The following PDE1C variants were observed in gnomAD, a reference collection of about 807,000 sequenced individuals.
PDE1C encodes the protein dual specificity calcium/calmodulin-dependent 3',5'-cyclic nucleotide phosphodiesterase 1C.
PDE1C carries 62 observed loss-of-function variants against 93.1 expected under a neutral mutation model. That is an observed-to-expected ratio of 0.67 (90% CI 0.54 to 0.82). PDE1C has a LOEUF of 0.82. Ranked by LOEUF, PDE1C falls within the 40% of genes least tolerant of loss-of-function variation. The pLI is 0.00. For missense variants in PDE1C, 742 were observed against 884.6 expected (o/e 0.84, Z 2.04); for synonymous variants, 325 against 310.1 (o/e 1.05, Z -0.50).
chr7:32,225,014 T>C (rs1182547257), intron 1 of PDE1C, among the ~76,000 whole-genome samples: 1 of 137,174 alleles, frequency 7.3e-6, no homozygotes, highest in Non-Finnish European at 1.7e-5. Context: ...GGAATCACCT[T>C]TCTTATTTAA....
chr7:32,185,065 C>T (rs921806819), intron 2 of PDE1C, among the ~76,000 whole-genome samples: 2 of 150,622 alleles, frequency 1.3e-5, no homozygotes, highest in African/African-American at 2.4e-5. Context: ...GAGTCGAGAT[C>T]GCACCATTGC....
intron 1 of PDE1C, among the ~76,000 whole-genome samples, chr7:32,349,329 G>T (rs2128082429): frequency 6.6e-6 from 1 of 152,312 alleles, no homozygotes; most frequent in East Asian, 1.9e-4. Flanking sequence ...CAGTGGGGCA[G>T]GTGTCACATT....
At chr7:31,891,803 C>G (rs1798669793) in intron 2 of PDE1C, among the ~76,000 whole-genome samples, 1 of 103,168 alleles carries the variant, frequency 9.7e-6, no homozygotes, top group Non-Finnish European at 1.8e-5. Context: ...CAAATGCATT[C>G]ATACACACAC....
chr7:32,326,657 G>A (rs937632655), intron 1 of PDE1C, among the ~76,000 whole-genome samples: 8 of 152,166 alleles, frequency 5.3e-5, no homozygotes, highest in Non-Finnish European at 1.2e-4. Context: ...GAGGACAAAA[G>A]GCAAAACCTG....
chr7:31,947,644 A>T (rs752728622), intron 2 of PDE1C, among the ~76,000 whole-genome samples: 1 of 152,236 alleles, frequency 6.6e-6, no homozygotes, highest in East Asian at 1.9e-4. Flanking sequence ...AACTTCATGT[A>T]TGTACAGTCA....
chr7:32,329,352 C>T (rs1283816289), intron 1 of PDE1C, among the ~76,000 whole-genome samples: 1 of 152,146 alleles, frequency 6.6e-6, no homozygotes, highest in Non-Finnish European at 1.5e-5. Flanking sequence ...TATACATCAA[C>T]GTAGCCATTG....
At chr7:31,672,165 A>G in the PDE1C span, among the ~76,000 whole-genome samples, 3 of 152,200 alleles carry the variant, frequency 2.0e-5, no homozygotes, top group Non-Finnish European at 4.4e-5. Flanking sequence ...TTCCTGGAGC[A>G]AAAAGTCTCA....
intron 1 of PDE1C, among the ~76,000 whole-genome samples, chr7:32,393,996 T>C (rs1051147176): frequency 2.0e-5 from 3 of 152,190 alleles, no homozygotes; most frequent in Non-Finnish European, 4.4e-5. Context: ...TTTTTAAGAT[T>C]GATAAAAGAA....
chr7:31,932,383 C>T (rs1041824476), intron 2 of PDE1C, among the ~76,000 whole-genome samples: 1 of 151,994 alleles, frequency 6.6e-6, no homozygotes, highest in African/African-American at 2.4e-5. Context: ...AAAAAGAAAA[C>T]GACCCCATCA....
intron 1 of PDE1C, chr7:32,209,629 G>T: frequency 1.8e-6 from 2 of 1,082,442 alleles, no homozygotes; most frequent in South Asian, 1.5e-5. Context: ...TGGATGCTTT[G>T]ACATCGGGCT....
chr7:31,934,638 C>T (rs1804779409), intron 2 of PDE1C, among the ~76,000 whole-genome samples: 1 of 151,446 alleles, frequency 6.6e-6, no homozygotes, highest in African/African-American at 2.4e-5. Context: ...CTGACTCTTG[C>T]CTCATAATCT....
chr7:31,922,818 A>G (rs1802797824), intron 2 of PDE1C, among the ~76,000 whole-genome samples: 1 of 152,166 alleles, frequency 6.6e-6, no homozygotes, highest in Non-Finnish European at 1.5e-5. Context: ...AAAAGTGTGG[A>G]GTCAAGAATG....
chr7:32,005,235 T>G (rs1786036539), intron 2 of PDE1C, among the ~76,000 whole-genome samples: 1 of 152,076 alleles, frequency 6.6e-6, no homozygotes, highest in Admixed American at 6.6e-5. Context: ...TCACATCATC[T>G]CATTTCACAT....
the PDE1C span, chr7:31,655,685 T>C: frequency 1.0e-6 from 1 of 973,922 alleles, no homozygotes; most frequent in Non-Finnish European, 1.2e-6. Context: ...TCCTATATCA[T>C]GGCTCAGCTC....
intron 2 of PDE1C, among the ~76,000 whole-genome samples, chr7:31,968,802 A>C (rs1469255020): frequency 6.6e-6 from 1 of 152,186 alleles, no homozygotes; most frequent in African/African-American, 2.4e-5. Context: ...AATGGAACAG[A>C]ACAGAGCCCT....
At chr7:31,977,000 G>C (rs1368549485) in intron 2 of PDE1C, among the ~76,000 whole-genome samples, 2 of 152,160 alleles carry the variant, frequency 1.3e-5, no homozygotes, top group Non-Finnish European at 2.9e-5. Flanking sequence ...CTGAATCAGA[G>C]AGTCTGGGTT....
chr7:32,407,927 G>A (rs1280023846), intron 1 of PDE1C, among the ~76,000 whole-genome samples: 1 of 152,088 alleles, frequency 6.6e-6, no homozygotes, highest in African/African-American at 2.4e-5. Flanking sequence ...GACCTGCAGG[G>A]ATAAAGTCTT....
intron 16 of PDE1C, among the ~76,000 whole-genome samples, chr7:31,794,073 C>T (rs59954771): frequency 0.1 from 13,071 of 128,666 alleles, 778 homozygotes; most frequent in Middle Eastern, 0.14. Context: ...GACAGACAGA[C>T]AGACAGACAG....
At chr7:32,018,166 G>A (rs745626056) in intron 2 of PDE1C, among the ~76,000 whole-genome samples, 25 of 151,684 alleles carry the variant, frequency 1.6e-4, no homozygotes, top group African/African-American at 5.6e-4. Context: ...AATAACAAGC[G>A]TTGGTGATTA....
Sources: allele counts gnomAD v4.1 joint callset (sites outside exome capture counted in the v4.1 genomes callset), GRCh38; gene constraint gnomAD v4.1.1; transcripts MANE v1.5; gene names NCBI Gene and HGNC (gene_info 2026-07-23, HGNC 2026-07-21).